The following LMNA variants were observed in gnomAD, a reference collection of about 807,000 sequenced individuals.
LMNA encodes the protein lamin A/C, also known as lamin.
In LMNA, 20 loss-of-function variants were observed where a neutral mutation model predicts 70.4. The observed-to-expected ratio is 0.28, with a 90% confidence interval of 0.20 to 0.41. The LOEUF is 0.41. Ranked by LOEUF, LMNA falls within the 10% of genes least tolerant of loss-of-function variation. The pLI is 1.00. For missense variants in LMNA, 652 were observed against 917.2 expected (o/e 0.71, Z 3.73); for synonymous variants, 339 against 372.8 (o/e 0.91, Z 1.04).
At chr1:156,127,774 C>T (rs1650723182) in intron 1 of LMNA, among the ~76,000 whole-genome samples, 2 of 151,796 alleles carry the variant, frequency 1.3e-5, no homozygotes, top group African/African-American at 2.4e-5. Flanking sequence ...ACAATCTCCG[C>T]CTCCCAGGCT....
intron 3 of LMNA, among the ~76,000 whole-genome samples, chr1:156,107,365 T>A (rs972875458): frequency 1.3e-5 from 2 of 152,208 alleles, no homozygotes; most frequent in African/African-American, 4.8e-5. Flanking sequence ...CTGTCTCCCA[T>A]GGCAGCGTGG....
chr1:156,120,752 G>A (rs1341218994), intron 1 of LMNA, among the ~76,000 whole-genome samples: 1 of 152,070 alleles, frequency 6.6e-6, no homozygotes, highest in Non-Finnish European at 1.5e-5. Flanking sequence ...TGTCCTGCAG[G>A]GCCTGTTAGC....
chr1:156,114,496 G>A (rs992914578), upstream of LMNA, among the ~76,000 whole-genome samples: 6 of 152,316 alleles, frequency 3.9e-5, no homozygotes, highest in African/African-American at 1.2e-4. Context: ...TGCTGAGCAG[G>A]CAGGAGCCAA....
intron 1 of LMNA, among the ~76,000 whole-genome samples, chr1:156,119,814 G>T (rs537231858): frequency 6.6e-6 from 1 of 151,948 alleles, no homozygotes; most frequent in Non-Finnish European, 1.5e-5. Context: ...GAGGAGTGGT[G>T]GTCTGAATGT....
upstream of LMNA, among the ~76,000 whole-genome samples, chr1:156,114,232 G>A (rs963566486): frequency 6.6e-6 from 1 of 152,128 alleles, no homozygotes; most frequent in Non-Finnish European, 1.5e-5. Flanking sequence ...GGGGGGTTGG[G>A]GTGACTCACT....
intron 1 of LMNA, among the ~76,000 whole-genome samples, chr1:156,117,969 A>ATT (rs1186679791): frequency 6.5e-5 from 6 of 91,904 alleles, no homozygotes; most frequent in Admixed American, 2.9e-4. Context: ...CGCTTGGCTA[A>ATT]TTTTTTTTTT....
intron 1 of LMNA, among the ~76,000 whole-genome samples, chr1:156,116,650 C>T (rs559856394): frequency 1.4e-4 from 21 of 152,122 alleles, no homozygotes; most frequent in Non-Finnish European, 2.1e-4. Flanking sequence ...CTGCAACCTC[C>T]GCCTCCCAGG....
chr1:156,084,995 G>A (rs966461406), intron 2 of LMNA, among the ~76,000 whole-genome samples: 1 of 152,222 alleles, frequency 6.6e-6, no homozygotes, highest in Non-Finnish European at 1.5e-5. Context: ...TGGGGTGGGC[G>A]AGGCAGGGTC....
Position 156,137,381 on chromosome 1 carries a change from C to A in LMNA, c.1608+149C>A. 1 of 1,063,934 alleles carries A rather than the reference C, an allele frequency of 9.4e-7. No homozygotes were observed. The highest frequency in any genetic ancestry group is 1.4e-6 in the Non-Finnish European group (1 of 723,830). The allele number at this position is 1,063,934 out of a possible 1,614,324, so 65.9% of individuals were successfully genotyped here. A position where few individuals can be genotyped will look rare whatever the true frequency, so the allele number is the denominator to read the frequency against. The stretch of plus-strand genomic sequence containing the variant: ...GCTCCAGACTTCTCCACCCAGTAGG[C>A]AAACCAAAAGATGCTTCCTCAACAG... On this transcript the variant is annotated intron_variant, in intron 9 of 11. Coordinates refer to ENST00000368300, the MANE Select transcript of LMNA (RefSeq NM_170707.4). The surrounding 1 kb of genome is among the most constrained non-coding windows in gnomAD (Gnocchi z 4.6).
intron 2 of LMNA, among the ~76,000 whole-genome samples, chr1:156,084,753 G>A (rs1314781502): frequency 3.3e-5 from 5 of 152,146 alleles, no homozygotes; most frequent in African/African-American, 1.2e-4. Flanking sequence ...CATTTTTGTG[G>A]GGCCACCAGC....
At chr1:156,093,464 C>T (rs1648791870) in intron 3 of LMNA, among the ~76,000 whole-genome samples, 1 of 152,032 alleles carries the variant, frequency 6.6e-6, no homozygotes, top group Non-Finnish European at 1.5e-5. Context: ...CGCCACCATG[C>T]TCAGCTAATT....
At chr1:156,107,797 TTTTTTTTTC>T (rs1328930738) in intron 3 of LMNA, among the ~76,000 whole-genome samples, 10 of 151,470 alleles carry the variant, frequency 6.6e-5, no homozygotes, top group East Asian at 1.9e-4. Flanking sequence ...GGGTTGTTGT[TTTTTTTTTC>T]TTTTTTTTCT....
In LMNA at chr1:156,134,584, G is replaced by A. The variant is rs11264442; in HGVS notation, c.639+56G>A. On this transcript the variant is annotated intron_variant, in intron 3 of 11. Coordinates refer to ENST00000368300, the MANE Select transcript of LMNA (RefSeq NM_170707.4). The surrounding 1 kb of genome is among the most constrained non-coding windows in gnomAD (Gnocchi z 5.3). ...TGGGGCTGGGTGATGACAGACTTGG[G>A]CTGGGCTAGGGGGGACCAGCTGTGT... 6.2e-7 allele frequency: 1 copy of A among 1,610,972 alleles called. No homozygotes were observed. The highest frequency in any genetic ancestry group is 8.5e-7 in the Non-Finnish European group (1 of 1,179,174).
At chr1:156,095,637 G>A (rs1362351818) in intron 3 of LMNA, among the ~76,000 whole-genome samples, 12 of 152,084 alleles carry the variant, frequency 7.9e-5, no homozygotes, top group Admixed American at 2.6e-4. Context: ...GATTACAGGC[G>A]TGAGCCACTG....
At chr1:156,106,266 A>G (rs761389548) in intron 3 of LMNA, among the ~76,000 whole-genome samples, 15 of 152,218 alleles carry the variant, frequency 9.9e-5, no homozygotes, top group Non-Finnish European at 8.8e-5. Flanking sequence ...GAGAAAGGGA[A>G]TCCTTTTCTG....
At chr1:156,088,574 G>A (rs147608883) in intron 2 of LMNA, among the ~76,000 whole-genome samples, 2 of 152,266 alleles carry the variant, frequency 1.3e-5, no homozygotes, top group African/African-American at 4.8e-5. Flanking sequence ...GGGCCAAGGT[G>A]GAAGGATTGC....
Position 156,139,433 on chromosome 1 carries a change from G to C in LMNA, c.*327G>C, listed in dbSNP as rs1651930739. ...GGCTTCCTCTAGAAGCCAAGGGAAA[G>C]GGGTGCTTTTATAGAGGCTAGCTTC... On this transcript the variant is annotated 3_prime_UTR_variant, in exon 12 of 12. Coordinates refer to ENST00000368300, the MANE Select transcript of LMNA (RefSeq NM_170707.4). 1 of 1,345,536 alleles carries C rather than the reference G, an allele frequency of 7.4e-7. No individual in the cohort carries two copies. Among genetic ancestry groups the C allele is most frequent in the South Asian group, 1.7e-5 (1 of 59,620 alleles). 83.3% of individuals were successfully genotyped at this position (1,345,536 alleles called of 1,614,324 possible).
intron 1 of LMNA, among the ~76,000 whole-genome samples, chr1:156,124,402 C>T (rs1193852567): frequency 1.3e-5 from 2 of 152,110 alleles, no homozygotes; most frequent in African/African-American, 4.8e-5. Flanking sequence ...GATTCTCCTG[C>T]CTCAGCCTCC....
chr1:156,131,661 G>C (rs1651074951), intron 2 of LMNA, among the ~76,000 whole-genome samples: 2 of 152,096 alleles, frequency 1.3e-5, no homozygotes, highest in South Asian at 4.1e-4. Context: ...AACTGTACCT[G>C]ACCCTAGATC....
Sources: allele counts gnomAD v4.1 joint callset (sites outside exome capture counted in the v4.1 genomes callset), GRCh38; gene constraint gnomAD v4.1.1; non-coding constraint Gnocchi (gnomAD v3.1); transcripts MANE v1.5; gene names NCBI Gene and HGNC (gene_info 2026-07-23, HGNC 2026-07-21).